Variants in HDAC9 observed in about 807,000 individuals in gnomAD.
HDAC9 encodes histone deacetylase 9.
A neutral mutation model predicts 139.4 loss-of-function variants in HDAC9; 41 were observed. The observed-to-expected ratio is 0.29, with a 90% CI of 0.23 to 0.38. The LOEUF (loss-of-function observed/expected upper bound fraction) is 0.38. Among genes scored for constraint, HDAC9 ranks in the 10% least tolerant of loss-of-function variants. The probability of loss-of-function intolerance (pLI) is 1.00; values close to 1 mark genes in which losing one functional copy is unlikely to be tolerated. For missense variants in HDAC9, 1,147 were observed against 1,297.0 expected (o/e 0.88, Z 1.78); for synonymous variants, 517 against 476.2 (o/e 1.09, Z -1.12).
chr7:18,967,501 C>CT (rs1362800981), intron 24 of HDAC9, among the ~76,000 whole-genome samples: 2 of 135,646 alleles, frequency 1.5e-5, no homozygotes, highest in East Asian at 4.8e-4. Flanking sequence ...AAGTTGCCCC[C>CT]CCCCCAAAAA....
chr7:18,688,376 A>C (rs534823558), intron 12 of HDAC9, among the ~76,000 whole-genome samples: 1 of 151,976 alleles, frequency 6.6e-6, no homozygotes, highest in East Asian at 1.9e-4. Flanking sequence ...GTATATTTAT[A>C]TACAAATTTT....
At chr7:18,980,177 G>T (rs952118663) in intron 25 of HDAC9, among the ~76,000 whole-genome samples, 23 of 152,048 alleles carry the variant, frequency 1.5e-4, no homozygotes, top group African/African-American at 4.6e-4. Context: ...GTCTTGAGGT[G>T]CATGTGAAGT....
chr7:18,769,055 A>G (rs1790063671), intron 16 of HDAC9, among the ~76,000 whole-genome samples: 1 of 152,258 alleles, frequency 6.6e-6, no homozygotes, highest in East Asian at 1.9e-4. Flanking sequence ...TTTTTTGACT[A>G]AGGACATTTT....
intron 23 of HDAC9, among the ~76,000 whole-genome samples, chr7:18,938,174 T>C: frequency 7.5e-6 from 1 of 133,542 alleles, no homozygotes; most frequent in East Asian, 2.1e-4. Context: ...ATTGATGGCA[T>C]GAGCCGAGAT....
At chr7:18,425,611 C>T (rs575910504) in intron 1 of HDAC9, among the ~76,000 whole-genome samples, 1 of 152,158 alleles carries the variant, frequency 6.6e-6, no homozygotes, top group Non-Finnish European at 1.5e-5. Flanking sequence ...GATCTTCCTT[C>T]GCCAGTTAAT....
intron 24 of HDAC9, among the ~76,000 whole-genome samples, chr7:18,957,238 A>G: frequency 6.6e-6 from 1 of 152,126 alleles, no homozygotes; most frequent in East Asian, 1.9e-4. Flanking sequence ...CGTGTGGTGC[A>G]TTTTTATGTG....
chr7:18,780,854 C>G (rs1388738369), intron 16 of HDAC9, among the ~76,000 whole-genome samples: 1 of 151,992 alleles, frequency 6.6e-6, no homozygotes, highest in Non-Finnish European at 1.5e-5. Context: ...CTTGCACTAG[C>G]CCATTGTGTT....
chr7:18,156,953 T>TG (rs1404658731), intron 1 of HDAC9, among the ~76,000 whole-genome samples: 3 of 152,160 alleles, frequency 2.0e-5, no homozygotes, highest in African/African-American at 7.2e-5. Context: ...GTGGGCGTGG[T>TG]GGCACACGCC....
Position 18,384,555 on chromosome 7 carries a change from A to G in HDAC9, c.-42+94040A>G, listed in dbSNP as rs115623901. The stretch of plus-strand genomic sequence containing the variant: ...TATTTTTTCCTTAGCTTATTTTTGA[A>G]TTCCCTTAACAGCTTATTGAAATAC... On this transcript the variant is annotated intron_variant, in intron 1 of 3. Transcript: ENST00000413509. 7.5e-3 allele frequency among the ~76,000 whole-genome samples: 1,136 copies of G among 152,248 alleles called. 9 individuals are homozygous for G. The highest frequency in any genetic ancestry group is 0.026 in the African/African-American group (1,069 of 41,552).
intron 23 of HDAC9, among the ~76,000 whole-genome samples, chr7:18,941,207 C>T (rs903209194): frequency 6.7e-6 from 1 of 150,006 alleles, no homozygotes; most frequent in African/African-American, 2.5e-5. Context: ...CGTTATTCTT[C>T]ACTTCCTCAC....
At chr7:18,689,636 T>C (rs1344560863) in intron 12 of HDAC9, among the ~76,000 whole-genome samples, 1 of 151,966 alleles carries the variant, frequency 6.6e-6, no homozygotes, top group Non-Finnish European at 1.5e-5. Context: ...TTCTAACTGG[T>C]TTTATGCAAC....
intron 25 of HDAC9, among the ~76,000 whole-genome samples, chr7:18,984,451 TC>T (rs1166985756): frequency 6.6e-6 from 1 of 152,090 alleles, no homozygotes; most frequent in African/African-American, 2.4e-5. Context: ...TATTAAGCTT[TC>T]ACAGAGAGAG....
At chr7:18,674,349 T>A (rs887548741) in intron 12 of HDAC9, among the ~76,000 whole-genome samples, 1 of 152,032 alleles carries the variant, frequency 6.6e-6, no homozygotes, top group Non-Finnish European at 1.5e-5. Flanking sequence ...TTTCTAATAT[T>A]TCACTTAAAT....
chr7:18,542,571 A>T (rs1413933262), intron 2 of HDAC9, among the ~76,000 whole-genome samples: 1 of 152,222 alleles, frequency 6.6e-6, no homozygotes, highest in Non-Finnish European at 1.5e-5. Flanking sequence ...AAAGATTAAT[A>T]AGTGACAGTA....
rs575086577 is a variant in HDAC9 at position 18,343,951 on chromosome 7, A to C, written c.-42+53436A>C. Among the ~76,000 whole-genome samples the C allele has an allele frequency of 2.6e-5, 4 of 152,030 alleles. No homozygotes were observed. The South Asian group carries it at 8.3e-4, about 32-fold the overall frequency. On this transcript the variant is annotated intron_variant, in intron 1 of 3. Transcript: ENST00000413509. Reference sequence around the variant, plus strand: ...TAGTATAGTTCAGAAATAGTTTAGTAAACCCTTATTTTTCCAATAACCCAA... The same window carrying C: ...TAGTATAGTTCAGAAATAGTTTAGTCAACCCTTATTTTTCCAATAACCCAA...
intron 2 of HDAC9, among the ~76,000 whole-genome samples, chr7:18,520,554 G>T (rs760178538): frequency 6.6e-6 from 1 of 152,066 alleles, no homozygotes; most frequent in Non-Finnish European, 1.5e-5. Flanking sequence ...AATGTTTCTG[G>T]CACCTGGGTT....
At chr7:18,765,772 A>G (rs1789781366) in intron 15 of HDAC9, among the ~76,000 whole-genome samples, 1 of 152,152 alleles carries the variant, frequency 6.6e-6, no homozygotes, top group Non-Finnish European at 1.5e-5. Context: ...TAGGAACAAC[A>G]ACATAAGAAA....
At chr7:18,492,543 C>CTA (rs1289373528), upstream of HDAC9, among the ~76,000 whole-genome samples, 1 of 151,626 alleles carries the variant, frequency 6.6e-6, no homozygotes, top group African/African-American at 2.4e-5. Context: ...TTTCTTTGAC[C>CTA]TATGTGTATA....
At chr7:18,176,518 G>A (rs1054570993) in intron 2 of HDAC9, among the ~76,000 whole-genome samples, 15 of 152,142 alleles carry the variant, frequency 9.9e-5, no homozygotes, top group Non-Finnish European at 5.9e-5. Flanking sequence ...CCCAGTGACT[G>A]TTAACTAGAT....
Sources: gnomAD v4.1 joint callset for allele counts (sites outside exome capture counted in the v4.1 genomes callset) on GRCh38, gnomAD v4.1.1 for gene constraint, MANE v1.5 for transcripts, NCBI Gene and HGNC (gene_info 2026-07-23, HGNC 2026-07-21) for gene names.